DIPK1A: variants seen among roughly 807,000 people sequenced by gnomAD.
DIPK1A encodes family with sequence similarity 69 member A.
DIPK1A carries 27 observed loss-of-function variants against 40.8 expected under a neutral mutation model. That is an observed-to-expected ratio of 0.66 (90% CI 0.49 to 0.91). DIPK1A has a LOEUF of 0.91. Ranked by LOEUF, DIPK1A falls within the 40% of genes least tolerant of loss-of-function variation. DIPK1A has a pLI of 0.00. For missense variants in DIPK1A, 412 were observed against 505.7 expected (o/e 0.81, Z 1.78); for synonymous variants, 166 against 171.3 (o/e 0.97, Z 0.24).
chr1:92,945,865 T>C (rs1220751390), intron 1 of DIPK1A, among the ~76,000 whole-genome samples: 1 of 152,220 alleles, frequency 6.6e-6, no homozygotes, highest in Non-Finnish European at 1.5e-5. Context: ...TACTGCATAT[T>C]GACTGTTCAG....
At chr1:92,862,318 C>A (rs765816897) in intron 2 of DIPK1A, among the ~76,000 whole-genome samples, 3 of 152,190 alleles carry the variant, frequency 2.0e-5, no homozygotes, top group Non-Finnish European at 4.4e-5. Flanking sequence ...CCTCCTCTGT[C>A]CCAAGGTTGT....
chr1:92,890,372 G>C (rs1438222220), intron 1 of DIPK1A, among the ~76,000 whole-genome samples: 1 of 152,208 alleles, frequency 6.6e-6, no homozygotes, highest in East Asian at 1.9e-4. Context: ...AGTGGTGAAA[G>C]TGGGCATCCT....
chr1:92,834,773 C>A lies in DIPK1A; in HGVS notation c.475-1739G>T, dbSNP rs761659540. On this transcript the variant is annotated intron_variant, in intron 4 of 4. Coordinates refer to the DIPK1A transcript ENST00000615519. Reference sequence around the variant, plus strand: ...GATTACTAACCTAGTTTCTCTCTTACTATAGATTGCTTATGCCCGTATAGA... The same window carrying A: ...GATTACTAACCTAGTTTCTCTCTTAATATAGATTGCTTATGCCCGTATAGA... 9.9e-6 allele frequency: 16 copies of A among 1,612,694 alleles called. No individual in the cohort carries two copies. Among genetic ancestry groups the A allele is most frequent in the Admixed American group, 1.7e-5 (1 of 59,998 alleles).
chr1:92,913,243 A>G (rs1359423793), intron 1 of DIPK1A, among the ~76,000 whole-genome samples: 1 of 152,186 alleles, frequency 6.6e-6, no homozygotes, highest in Non-Finnish European at 1.5e-5. Context: ...TAATGACTAC[A>G]ATACTGCAGT....
intron 1 of DIPK1A, among the ~76,000 whole-genome samples, chr1:92,890,209 T>C (rs1648799359): frequency 1.3e-5 from 2 of 152,146 alleles, no homozygotes; most frequent in Admixed American, 6.6e-5. Context: ...TTCTAAGAGT[T>C]TTTTGGTAGA....
At chr1:92,893,437 C>A (rs1648993724) in intron 1 of DIPK1A, among the ~76,000 whole-genome samples, 1 of 151,614 alleles carries the variant, frequency 6.6e-6, no homozygotes, top group South Asian at 2.1e-4. Flanking sequence ...AAATCCTTTA[C>A]AGACAAGCAA....
intron 1 of DIPK1A, among the ~76,000 whole-genome samples, chr1:92,925,516 G>C (rs916227295): frequency 6.6e-6 from 1 of 151,974 alleles, no homozygotes; most frequent in South Asian, 2.1e-4. Flanking sequence ...TTGTTTTTGA[G>C]ACAGTCTCGC....
intron 2 of DIPK1A, among the ~76,000 whole-genome samples, chr1:92,869,343 A>G (rs886750329): frequency 6.6e-6 from 1 of 151,886 alleles, no homozygotes; most frequent in Non-Finnish European, 1.5e-5. Flanking sequence ...TATTTTTTGT[A>G]GAGATGGATT....
At chr1:92,894,804 A>C (rs1451704091) in intron 1 of DIPK1A, among the ~76,000 whole-genome samples, 1 of 152,142 alleles carries the variant, frequency 6.6e-6, no homozygotes. Context: ...AGAGGCAATA[A>C]AAAATGATAA....
chr1:92,896,905 T>A (rs2100813831), intron 1 of DIPK1A, among the ~76,000 whole-genome samples: 1 of 151,828 alleles, frequency 6.6e-6, no homozygotes, highest in Non-Finnish European at 1.5e-5. Context: ...CATGAAAAAA[T>A]GCTCATCATC....
intron 1 of DIPK1A, among the ~76,000 whole-genome samples, chr1:92,883,269 C>T (rs1370073314): frequency 6.6e-6 from 1 of 152,136 alleles, no homozygotes; most frequent in African/African-American, 2.4e-5. Flanking sequence ...GAAGATGCAA[C>T]CTCTACTAGC....
chr1:92,869,254 T>A (rs946531956), intron 2 of DIPK1A, among the ~76,000 whole-genome samples: 4 of 151,852 alleles, frequency 2.6e-5, no homozygotes, highest in Non-Finnish European at 5.9e-5. Flanking sequence ...CTCGACCCCT[T>A]TTGCTCAAGT....
downstream of DIPK1A, among the ~76,000 whole-genome samples, chr1:92,841,207 G>C (rs368824311): frequency 6.6e-6 from 1 of 152,124 alleles, no homozygotes; most frequent in African/African-American, 2.4e-5. Flanking sequence ...ACCAGCCTCT[G>C]TAACCACCAT....
chr1:92,885,668 T>C (rs1177693637), intron 1 of DIPK1A, among the ~76,000 whole-genome samples: 1 of 152,166 alleles, frequency 6.6e-6, no homozygotes, highest in Non-Finnish European at 1.5e-5. Flanking sequence ...ATCTAATCCA[T>C]TCTAATCAGC....
chr1:92,880,352 C>T (rs942995080), intron 1 of DIPK1A, among the ~76,000 whole-genome samples: 1 of 152,118 alleles, frequency 6.6e-6, no homozygotes, highest in African/African-American at 2.4e-5. Context: ...AAGCAGTTAT[C>T]ACTAGAGTAA....
At chr1:92,960,652 T>A (rs1157562007) in intron 1 of DIPK1A, among the ~76,000 whole-genome samples, 1 of 152,112 alleles carries the variant, frequency 6.6e-6, no homozygotes, top group Non-Finnish European at 1.5e-5. Flanking sequence ...ACACACGACA[T>A]GACTGAGAAT....
At chr1:92,927,235 T>A (rs1266905024) in intron 1 of DIPK1A, among the ~76,000 whole-genome samples, 2 of 152,254 alleles carry the variant, frequency 1.3e-5, no homozygotes, top group South Asian at 2.1e-4. Context: ...TATGATGGAG[T>A]ACAGTGGCGA....
chr1:92,897,685 C>T (rs957130825), intron 1 of DIPK1A, among the ~76,000 whole-genome samples: 6 of 151,390 alleles, frequency 4.0e-5, no homozygotes, highest in Admixed American at 3.9e-4. Flanking sequence ...TTCATTTCTT[C>T]ATTGACCCAT....
chr1:92,880,326 T>C (rs1648309323), intron 1 of DIPK1A, among the ~76,000 whole-genome samples: 1 of 152,222 alleles, frequency 6.6e-6, no homozygotes, highest in Non-Finnish European at 1.5e-5. Flanking sequence ...TAATAACATC[T>C]GTCTGGAAAT....
Sources: gnomAD v4.1 joint callset for allele counts (sites outside exome capture counted in the v4.1 genomes callset) on GRCh38, gnomAD v4.1.1 for gene constraint, MANE v1.5 for transcripts, NCBI Gene and HGNC (gene_info 2026-07-23, HGNC 2026-07-21) for gene names.